Variants in SRRM3 observed in about 807,000 individuals in gnomAD.
The protein encoded by SRRM3 is serine/arginine repetitive matrix protein 3.
In SRRM3, 27 loss-of-function variants were observed where a neutral mutation model predicts 66.2. The ratio of observed to expected loss-of-function variants is 0.41; its 90% CI spans 0.30 to 0.56. The LOEUF is 0.56. Ranked by LOEUF, SRRM3 falls within the 20% of genes least tolerant of loss-of-function variation. The probability of loss-of-function intolerance (pLI) is 0.32; values close to 1 mark genes in which losing one functional copy is unlikely to be tolerated. For missense variants in SRRM3, 918 were observed against 991.9 expected (o/e 0.93, Z 1.00); for synonymous variants, 391 against 414.9 (o/e 0.94, Z 0.70).
At chr7:76,242,047 G>A (rs1221973083) in intron 2 of SRRM3, among the ~76,000 whole-genome samples, 1 of 152,268 alleles carries the variant, frequency 6.6e-6, no homozygotes, top group African/African-American at 2.4e-5. Flanking sequence ...GAAAAGAAGG[G>A]GAGCCAGCAT....
chr7:76,234,577 G>C (rs1213358688), intron 1 of SRRM3, among the ~76,000 whole-genome samples: 2 of 152,160 alleles, frequency 1.3e-5, no homozygotes, highest in Admixed American at 6.5e-5. Flanking sequence ...CATGTAATCT[G>C]TGTGCCACTG....
At chr7:76,258,193 G>C (rs1482702090) in intron 3 of SRRM3, among the ~76,000 whole-genome samples, 1 of 152,186 alleles carries the variant, frequency 6.6e-6, no homozygotes, top group Non-Finnish European at 1.5e-5. Context: ...TGCTGCCAGA[G>C]ATGAGCAGGG....
chr7:76,206,564 G>A (rs1269005379), intron 1 of SRRM3, among the ~76,000 whole-genome samples: 1 of 152,158 alleles, frequency 6.6e-6, no homozygotes, highest in African/African-American at 2.4e-5. Flanking sequence ...GCAGGAGGGC[G>A]ACATCTCCAT....
chr7:76,254,101 G>A (rs1302832562), intron 3 of SRRM3, among the ~76,000 whole-genome samples: 1 of 151,738 alleles, frequency 6.6e-6, no homozygotes, highest in Non-Finnish European at 1.5e-5. Flanking sequence ...TTGCTGCCTT[G>A]AACTCCTGGG....
At position 76,281,500 on chromosome 7, in the gene SRRM3, G is replaced by A. The variant is rs1467687176; in HGVS notation, c.1068G>A (p.Pro356=). The change falls in exon 12 of 15, where the codon CCG becomes CCA. Residue 356 remains proline, a synonymous_variant. Transcript: ENST00000611745. ...RDKAAAAAPT[P]PARGKESPSP... ...AGGCGGCGGCCGCCGCACCCACGCC[G>A]CCCGCGCGGGGGAAGGAGAGCCCGA... 22 of 1,218,630 alleles carry A rather than the reference G, an allele frequency of 1.8e-5. No homozygotes were observed. The highest frequency in any genetic ancestry group is 2.3e-5 in the Non-Finnish European group (22 of 976,130). The allele number at this position is 1,218,630 out of a possible 1,614,324, so 75.5% of individuals were successfully genotyped here. A position where few individuals can be genotyped will look rare whatever the true frequency, so the allele number is the denominator to read the frequency against.
chr7:76,269,450 G>C lies in SRRM3; in HGVS notation c.1008+2015G>C, dbSNP rs577244523. The C allele has an allele frequency of 4.6e-5, 7 of 152,130 alleles. No homozygotes were observed. In the East Asian group the frequency reaches 1.4e-3, roughly 29 times the overall value. 9.4% of individuals were successfully genotyped at this position (152,130 alleles called of 1,614,324 possible). ...GCTCATATGCAGAAAAGTGAGATGG[G>C]GGATGGGAGAGGGGTCCCAGACTTT... On this transcript the variant is annotated intron_variant, in intron 11 of 14. Coordinates refer to ENST00000611745, the MANE Select transcript of SRRM3 (RefSeq NM_001110199.3).
At chr7:76,233,125 A>G (rs1463002422) in intron 1 of SRRM3, among the ~76,000 whole-genome samples, 1 of 152,182 alleles carries the variant, frequency 6.6e-6, no homozygotes, top group Non-Finnish European at 1.5e-5. Flanking sequence ...CAAAATAACA[A>G]GAACGTGACT....
In SRRM3 at chr7:76,235,330, G is replaced by A. The variant is rs3823887; in HGVS notation, c.233+31G>A. 0.021 allele frequency: 31,212 copies of A among 1,458,172 alleles called. 1,877 individuals carry two copies. Among genetic ancestry groups the A allele is most frequent in the African/African-American group, 0.18 (12,584 of 69,244 alleles). 90.3% of individuals were successfully genotyped at this position (1,458,172 alleles called of 1,614,324 possible). ...CAGGCCGCGGGGCGGGACTGGGGTG[G>A]GGAGATAGGCGGGGCGAGGGTGGGA... On this transcript the variant is annotated intron_variant, in intron 2 of 14. Transcript: ENST00000611745.
chr7:76,251,151 G>A (rs531285727), intron 3 of SRRM3, among the ~76,000 whole-genome samples: 2 of 152,250 alleles, frequency 1.3e-5, no homozygotes, highest in South Asian at 2.1e-4. Context: ...CGGTCAGCCC[G>A]ACGCCCGTCC....
chr7:76,250,582 T>C (rs945189448), intron 3 of SRRM3, among the ~76,000 whole-genome samples: 3 of 152,040 alleles, frequency 2.0e-5, no homozygotes, highest in Non-Finnish European at 2.9e-5. Context: ...CAGACCTCAA[T>C]AGGAAACGGG....
intron 2 of SRRM3, among the ~76,000 whole-genome samples, chr7:76,239,367 C>A (rs1801227487): frequency 6.6e-6 from 1 of 152,094 alleles, no homozygotes; most frequent in Non-Finnish European, 1.5e-5. Flanking sequence ...CCTCCCCTCT[C>A]CCTGTTCTGT....
chr7:76,279,720 T>C (rs1802446684), intron 11 of SRRM3, among the ~76,000 whole-genome samples: 1 of 152,182 alleles, frequency 6.6e-6, no homozygotes, highest in East Asian at 1.9e-4. Context: ...CTCGGTGAGA[T>C]AGAGGCAGGC....
At chr7:76,209,052 T>TAC (rs1216922728) in intron 1 of SRRM3, among the ~76,000 whole-genome samples, 1 of 152,050 alleles carries the variant, frequency 6.6e-6, no homozygotes, top group Admixed American at 6.6e-5. Context: ...CGAGCTATGA[T>TAC]TGCACCACTA....
At chr7:76,263,876 A>C (rs112512580) in intron 8 of SRRM3, among the ~76,000 whole-genome samples, 11,805 of 101,224 alleles carry the variant, frequency 0.12, 934 homozygotes, top group East Asian at 0.32. Flanking sequence ...CTGTCTCAAG[A>C]CAAAAAAAAA....
At chr7:76,280,429 G>A (rs1415526253) in intron 11 of SRRM3, among the ~76,000 whole-genome samples, 3 of 81,692 alleles carry the variant, frequency 3.7e-5, no homozygotes, top group African/African-American at 4.9e-5. Flanking sequence ...CCACCCCCAA[G>A]CGCTGGGGGT....
intron 11 of SRRM3, among the ~76,000 whole-genome samples, chr7:76,274,578 G>A (rs959745971): frequency 2.0e-5 from 3 of 152,220 alleles, no homozygotes; most frequent in African/African-American, 4.8e-5. Flanking sequence ...AATTTGAGCA[G>A]CTTAATGTGA....
intron 1 of SRRM3, among the ~76,000 whole-genome samples, chr7:76,206,122 C>T (rs1048661060): frequency 3.3e-5 from 5 of 152,182 alleles, no homozygotes; most frequent in Admixed American, 1.3e-4. Flanking sequence ...ATCCTCCCGC[C>T]TCAGCCTCCC....
chr7:76,269,199 G>A (rs1350536401), intron 11 of SRRM3: 1 of 152,248 alleles, frequency 6.6e-6, no homozygotes, highest in African/African-American at 2.4e-5. Flanking sequence ...CCCACATCTT[G>A]TCTCCCTCCC....
chr7:76,227,360 C>T (rs1258218988), intron 1 of SRRM3, among the ~76,000 whole-genome samples: 4 of 152,218 alleles, frequency 2.6e-5, no homozygotes, highest in Admixed American at 2.0e-4. Flanking sequence ...CCTCAAGCAC[C>T]TCCAATTTGT....
Sources: gnomAD v4.1 joint callset for allele counts (sites outside exome capture counted in the v4.1 genomes callset) on GRCh38, gnomAD v4.1.1 for gene constraint, MANE v1.5 for transcripts, NCBI Gene and HGNC (gene_info 2026-07-23, HGNC 2026-07-21) for gene names.